Variants in CLEC10A observed in about 807,000 individuals in gnomAD.
The protein encoded by CLEC10A is C-type lectin domain containing 10A.
Under a neutral mutation model 42.0 loss-of-function variants are expected in CLEC10A, and 38 were observed. The observed-to-expected ratio is 0.90, with a 90% CI of 0.70 to 1.18. The LOEUF is 1.18. Ranked by LOEUF, CLEC10A falls within the 50% of genes most tolerant of loss-of-function variation. The pLI is 0.00. For missense variants in CLEC10A, 298 were observed against 345.9 expected (o/e 0.86, Z 1.10); for synonymous variants, 126 against 139.9 (o/e 0.90, Z 0.70).
In CLEC10A at chr17:7,074,778, T is replaced by G; in HGVS notation, c.*276A>C. On this transcript the variant is annotated 3_prime_UTR_variant, in exon 9 of 9. Transcript: ENST00000416562. ...AGTGGTAGTCACCTAGGCATGCATA[T>G]TTGTCAAAGTCATCTCTACTCTTTA... 1 of 278,876 alleles carries G rather than the reference T, an allele frequency of 3.6e-6. No homozygotes were observed. Among genetic ancestry groups the G allele is most frequent in the Non-Finnish European group, 6.6e-6 (1 of 151,518 alleles). 17.3% of individuals were successfully genotyped at this position (278,876 alleles called of 1,614,324 possible).
chr17:7,076,804 C>T lies in CLEC10A; in HGVS notation c.281G>A (p.Gly94Asp). Residue 94 changes from glycine (G) to aspartate (D), a missense_variant and splice_region_variant, in exon 5 of 9, where the codon GGC (glycine) becomes GAC (aspartate). Physicochemically the swap from Gly to Asp is moderately conservative, Grantham distance 94 (BLOSUM62 -1). This residue lies in a region of CLEC10A where 267 missense variants were observed against 289.5 expected (regional missense o/e 0.92). Transcript: ENST00000416562. ...VAEIQALTSQGSSLEETIASL... is the reference protein window; with the variant it reads ...VAEIQALTSQDSSLEETIASL... ...TGCTATCGTTTCTTCCAAGCTGCTGCCTGGAGGACACGGAGACTTGGCTTA... is the reference window on the plus strand; with the variant it reads ...TGCTATCGTTTCTTCCAAGCTGCTGTCTGGAGGACACGGAGACTTGGCTTA... 2 of 1,613,934 alleles carry T rather than the reference C, an allele frequency of 1.2e-6. No individual in the cohort carries two copies. Among genetic ancestry groups the T allele is most frequent in the East Asian group, 4.5e-5 (2 of 44,846 alleles).
At chr17:7,075,925 C>T in intron 6 of CLEC10A, 40 bp from the exon 7 acceptor site, 1 of 1,611,554 alleles carries the variant, frequency 6.2e-7, no homozygotes, top group Non-Finnish European at 8.5e-7. Flanking sequence ...GAGGCTGAGG[C>T]TCTGCCCAGT....
At chr17:7,078,316 A>C (rs1156925367) in intron 2 of CLEC10A, among the ~76,000 whole-genome samples, 3 of 151,972 alleles carry the variant, frequency 2.0e-5, no homozygotes, top group Non-Finnish European at 4.4e-5. Flanking sequence ...CAGGCCCCTC[A>C]CACCCCTGGG....
At chr17:7,079,341 G>C (rs1236414239) in intron 1 of CLEC10A, among the ~76,000 whole-genome samples, 6 of 152,186 alleles carry the variant, frequency 3.9e-5, no homozygotes, top group Non-Finnish European at 8.8e-5. Flanking sequence ...CCAGCACTTT[G>C]GGAGACCGAA....
chr17:7,078,508 G>T, intron 2 of CLEC10A: 1 of 565,870 alleles, frequency 1.8e-6, no homozygotes, highest in South Asian at 2.3e-5. Context: ...CTCCACCAAT[G>T]CGCAGCTCTC....
chr17:7,077,734 A>T (rs1911920003), intron 3 of CLEC10A, among the ~76,000 whole-genome samples: 1 of 145,286 alleles, frequency 6.9e-6, no homozygotes. Context: ...TCACTCCATC[A>T]GTGCCCTCTC....
rs143134980 is a variant in CLEC10A at position 7,075,884 on chromosome 17, G to C, written c.441C>G (p.Ala147=). 2.5e-4 allele frequency: 400 copies of C among 1,596,500 alleles called. 1 individual carries two copies. The highest frequency in any genetic ancestry group is 2.8e-4 in the Non-Finnish European group (327 of 1,175,936). ...CAGGGCAGCAGGTCCCTTCAGTGGAGGCTGATTGGGGAGAAATAGGATAGG... is the reference window on the plus strand; with the variant it reads ...CAGGGCAGCAGGTCCCTTCAGTGGACGCTGATTGGGGAGAAATAGGATAGG... The part of the protein sequence containing the change: ...TCQVATLNNN[A]STEGTCCPVN... The change falls in exon 7 of 9, where the codon GCC becomes GCG. Residue 147 remains alanine (A), a splice_region_variant and synonymous_variant. Transcript: ENST00000416562.
At chr17:7,077,399 CCCATCAGTCACCCCATCAGTGCT>C (rs1911852247) in intron 3 of CLEC10A, among the ~76,000 whole-genome samples, 7 of 120,782 alleles carry the variant, frequency 5.8e-5, no homozygotes, top group Non-Finnish European at 8.8e-5. Flanking sequence ...CCCCACTATT[CCCATCAGTCACCCCATCAGTGCT>C]CCCATCACCA....
intron 2 of CLEC10A, 148 bp from the exon 3 acceptor site, chr17:7,078,261 G>A (rs1445764841): frequency 9.9e-6 from 6 of 606,196 alleles, no homozygotes; most frequent in Non-Finnish European, 1.7e-5. Context: ...GGTGGGGGAT[G>A]CCCAGGCCTT....
chr17:7,075,451 A>G lies in CLEC10A; in HGVS notation c.610T>C (p.Tyr204His), dbSNP rs1272039423. Residue 204 changes from tyrosine to histidine, a missense_variant, in exon 8 of 9, where the codon TAT (tyrosine) becomes CAT (histidine). Coordinates refer to ENST00000416562, the MANE Select transcript of CLEC10A (RefSeq NM_001330070.2). The part of the protein sequence containing the change: ...SREEQNFVQK[Y>H]LGSAYTWMGL... ...ATCCAGGTGTATGCGGAGCCTAGAT[A>G]TTTCTGGACAAAATTCTGCGGTGAC... is the stretch of plus-strand genomic sequence containing the variant. 2 of 1,530,574 alleles carry G rather than the reference A, an allele frequency of 1.3e-6. No homozygotes were observed. Among genetic ancestry groups the G allele is most frequent in the East Asian group, 2.3e-5 (1 of 44,292 alleles). 94.8% of individuals were successfully genotyped at this position (1,530,574 alleles called of 1,614,324 possible). A position where few individuals can be genotyped will look rare whatever the true frequency, so the allele number is the denominator to read the frequency against.
Position 7,074,923 on chromosome 17 carries a change from T to A in CLEC10A, c.*131A>T. ...CTTTTTAAAATTAAAGAGAAAAAAA[T>A]TCAAAATGTTAGCAGTGCTTCCAAT... On this transcript the variant is annotated 3_prime_UTR_variant, in exon 9 of 9. Transcript: ENST00000416562. The A allele has an allele frequency of 3.2e-6, 2 of 633,516 alleles. No homozygotes were observed. The highest frequency in any genetic ancestry group is 3.2e-5 in the East Asian group (1 of 30,806). The allele number at this position is 633,516 out of a possible 1,614,324, so 39.2% of individuals were successfully genotyped here. A position where few individuals can be genotyped will look rare whatever the true frequency, so the allele number is the denominator to read the frequency against.
At chr17:7,079,695 GTTTATT>G (rs781289624) in intron 1 of CLEC10A, among the ~76,000 whole-genome samples, 67 of 152,190 alleles carry the variant, frequency 4.4e-4, no homozygotes, top group South Asian at 1.7e-3. Context: ...CTGAGTCTTA[GTTTATT>G]TTTATTTTTA....
intron 3 of CLEC10A, among the ~76,000 whole-genome samples, chr17:7,077,368 A>G (rs76016905): frequency 0.012 from 1,439 of 117,206 alleles, no homozygotes; most frequent in South Asian, 0.016. Context: ...CACTGTTCTC[A>G]TCAATCACTC....
chr17:7,077,696 ATCAGTGCCCCCCTACCG>A, intron 3 of CLEC10A, among the ~76,000 whole-genome samples: 9 of 67,352 alleles, frequency 1.3e-4, no homozygotes, highest in Admixed American at 3.4e-4. Context: ...CAATCACTCC[ATCAGTGCCCCCCTACCG>A]TTACCATCAA....
rs1329283461 is a variant in CLEC10A at position 7,075,891 on chromosome 17, T to G, written c.440-6A>C. On this transcript the variant is annotated splice_region_variant and splice_polypyrimidine_tract_variant and intron_variant, in intron 6 of 8. Transcript: ENST00000416562. ...GCAGGTCCCTTCAGTGGAGGCTGAT[T>G]GGGGAGAAATAGGATAGGGTGGAGA... 2 of 1,580,538 alleles carry G rather than the reference T, an allele frequency of 1.3e-6. No homozygotes were observed. Among genetic ancestry groups the G allele is most frequent in the African/African-American group, 1.8e-5 (1 of 56,814 alleles).
At chr17:7,077,562 GC>G (rs1207851565) in intron 3 of CLEC10A, among the ~76,000 whole-genome samples, 1 of 54,434 alleles carries the variant, frequency 1.8e-5, no homozygotes, top group Non-Finnish European at 3.3e-5. Flanking sequence ...CTCCATCAGT[GC>G]CCCCCCACCA....
Position 7,078,787 on chromosome 17 carries a change from TG to T in CLEC10A, c.25del (p.Gln9SerfsTer7). On this transcript the variant is annotated frameshift_variant, in exon 2 of 9. Transcript: ENST00000416562. LOFTEE classifies it high-confidence loss of function. ...GACTTTCACCTTATTCTCCAAGTAC[TG>T]GAAGTTTTCATACGTCCTTGTCATG... MTRTYENF[Q>X]YLENKVKVQG... is the part of the protein sequence containing the mutation. 1 of 1,614,220 alleles carries T rather than the reference TG, an allele frequency of 6.2e-7. No homozygotes were observed. Among genetic ancestry groups the T allele is most frequent in the Non-Finnish European group, 8.5e-7 (1 of 1,180,032 alleles).
intron 5 of CLEC10A, among the ~76,000 whole-genome samples, chr17:7,076,315 T>C (rs1436089597): frequency 6.8e-6 from 1 of 146,588 alleles, no homozygotes; most frequent in Non-Finnish European, 1.5e-5. Context: ...TTCTTTTTTT[T>C]TTTTTTTTTT....
chr17:7,077,999 T>C lies in CLEC10A; in HGVS notation c.182A>G (p.Gln61Arg), dbSNP rs1303866933. 6 of 1,609,338 alleles carry C rather than the reference T, an allele frequency of 3.7e-6. No homozygotes were observed. The highest frequency in any genetic ancestry group is 5.1e-6 in the Non-Finnish European group (6 of 1,175,934). ...LLVIICVVGFQNSKFQRDLVT... is the reference protein window; with the variant it reads ...LLVIICVVGFRNSKFQRDLVT... ...CTGTCCACCCCTGTGACCCTCACTTTGGAATCCAACCACACAGATGATGAC... is the reference window on the plus strand; with the variant it reads ...CTGTCCACCCCTGTGACCCTCACTTCGGAATCCAACCACACAGATGATGAC... The change falls in exon 3 of 9, where the codon CAA becomes CGA. Residue 61 changes from glutamine (Q) to arginine (R), a missense_variant and splice_region_variant. By Grantham distance (43) the Gln-to-Arg change is conservative (BLOSUM62 1). Transcript: ENST00000416562.
Sources: allele counts gnomAD v4.1 joint callset (sites outside exome capture counted in the v4.1 genomes callset), GRCh38; gene constraint gnomAD v4.1.1; regional missense constraint gnomAD v4.1.1; transcripts MANE v1.5; gene names NCBI Gene and HGNC (gene_info 2026-07-23, HGNC 2026-07-21).